Variants in MACROD2 observed in about 807,000 individuals in gnomAD.
MACROD2 encodes mono-ADP ribosylhydrolase 2, also known as ADP-ribose glycohydrolase MACROD2.
MACROD2 carries 36 observed loss-of-function variants against 70.4 expected under a neutral mutation model. The observed-to-expected ratio is 0.51, with a 90% CI of 0.39 to 0.68. MACROD2 has a LOEUF of 0.68. MACROD2 is among the 30% of genes least tolerant of loss of function. The probability of loss-of-function intolerance (pLI) is 0.00; values close to 1 mark genes in which losing one functional copy is unlikely to be tolerated. For missense variants in MACROD2, 496 were observed against 538.4 expected, an observed-to-expected ratio of 0.92 and a Z score of 0.78; for synonymous variants, 172 against 178.8, an observed-to-expected ratio of 0.96 and a Z score of 0.30.
chr20:15,599,163 G>A (rs558271132), intron 8 of MACROD2, among the ~76,000 whole-genome samples: 6 of 151,832 alleles, frequency 4.0e-5, no homozygotes, highest in African/African-American at 1.4e-4. Flanking sequence ...GGCGGATCAC[G>A]AGGTCAGGAG....
At chr20:14,777,631 G>A (rs1204615896) in intron 5 of MACROD2, among the ~76,000 whole-genome samples, 1 of 152,096 alleles carries the variant, frequency 6.6e-6, no homozygotes, top group Non-Finnish European at 1.5e-5. Flanking sequence ...ATATGGGCTA[G>A]AGTGGCGCCA....
chr20:14,440,098 G>A (rs371958814), intron 3 of MACROD2, among the ~76,000 whole-genome samples: 11 of 152,284 alleles, frequency 7.2e-5, no homozygotes, highest in African/African-American at 2.6e-4. Context: ...AGATAGTACA[G>A]AGGCTAGTAC....
rs59052053 is a variant in MACROD2, at chr20:14,071,252, G to GTTTTTTTTTTTTTTTTTTT, written c.164-14361_164-14343dup. Among the ~76,000 whole-genome samples the GTTTTTTTTTTTTTTTTTTT allele has an allele frequency of 4.4e-4, 28 of 63,954 alleles. 6 individuals are homozygous for GTTTTTTTTTTTTTTTTTTT. Among genetic ancestry groups the GTTTTTTTTTTTTTTTTTTT allele is most frequent in the African/African-American group, 1.8e-3 (28 of 15,798 alleles). 42.0% of individuals were successfully genotyped at this position (63,954 alleles called of 152,430 possible). A position where few individuals can be genotyped will look rare whatever the true frequency, so the allele number is the denominator to read the frequency against. On this transcript the variant is annotated intron_variant, in intron 2 of 17. Coordinates refer to ENST00000684519, the MANE Select transcript of MACROD2 (RefSeq NM_001351661.2). ...GACAGTATTGGCCATTTCATCTTGT[G>GTTTTTTTTTTTTTTTTTTT]TTTTTTTTTTTTTTTTTTTTTTTTT...
At chr20:15,036,327 C>T (rs1262909533) in intron 5 of MACROD2, among the ~76,000 whole-genome samples, 1 of 152,098 alleles carries the variant, frequency 6.6e-6, no homozygotes, top group Non-Finnish European at 1.5e-5. Flanking sequence ...ATTACGATGA[C>T]CATCTATGTC....
chr20:14,672,865 C>T (rs1333850287), intron 4 of MACROD2, among the ~76,000 whole-genome samples: 1 of 152,140 alleles, frequency 6.6e-6, no homozygotes, highest in Admixed American at 6.6e-5. Context: ...ACAAGTACTA[C>T]TGTCATCTAT....
intron 5 of MACROD2, among the ~76,000 whole-genome samples, chr20:14,831,669 A>G (rs1049249551): frequency 6.7e-6 from 1 of 149,148 alleles, no homozygotes; most frequent in Non-Finnish European, 1.5e-5. Flanking sequence ...AATCCCGGCT[A>G]CTCAGGAGGC....
intron 4 of MACROD2, among the ~76,000 whole-genome samples, chr20:14,551,340 T>C (rs141827228): frequency 6.6e-6 from 1 of 152,282 alleles, no homozygotes; most frequent in African/African-American, 2.4e-5. Context: ...AATAATGATA[T>C]TAAATTGTGT....
chr20:15,377,742 G>A (rs545044304), intron 6 of MACROD2, among the ~76,000 whole-genome samples: 6 of 152,348 alleles, frequency 3.9e-5, no homozygotes, highest in South Asian at 4.1e-4. Flanking sequence ...ACATGGGAAC[G>A]AATGCCTTTG....
At chr20:15,622,938 T>G (rs2146733722) in intron 8 of MACROD2, among the ~76,000 whole-genome samples, 1 of 152,354 alleles carries the variant, frequency 6.6e-6, no homozygotes, top group Admixed American at 6.5e-5. Flanking sequence ...AGTACTATCC[T>G]TAGTTTCAGA....
chr20:15,037,389 G>A (rs1452014499), intron 5 of MACROD2, among the ~76,000 whole-genome samples: 1 of 152,162 alleles, frequency 6.6e-6, no homozygotes, highest in Admixed American at 6.6e-5. Flanking sequence ...CGATAATACA[G>A]GTTGAGAATT....
intron 7 of MACROD2, among the ~76,000 whole-genome samples, chr20:15,442,849 T>A (rs1195153333): frequency 6.6e-6 from 1 of 152,166 alleles, no homozygotes; most frequent in Non-Finnish European, 1.5e-5. Context: ...TATTTGGTAA[T>A]TTTGATAGCA....
intron 8 of MACROD2, among the ~76,000 whole-genome samples, chr20:15,640,557 A>C (rs2049444675): frequency 6.6e-6 from 1 of 152,194 alleles, no homozygotes; most frequent in Non-Finnish European, 1.5e-5. Context: ...ACAAACTATG[A>C]GGCAGCCCTG....
chr20:15,125,651 G>A (rs1478982081), intron 5 of MACROD2, among the ~76,000 whole-genome samples: 2 of 151,958 alleles, frequency 1.3e-5, no homozygotes, highest in Admixed American at 6.6e-5. Flanking sequence ...ATAATTTACT[G>A]TAGTAATCAG....
intron 5 of MACROD2, among the ~76,000 whole-genome samples, chr20:14,722,876 A>T (rs969042888): frequency 3.9e-5 from 6 of 152,160 alleles, no homozygotes; most frequent in Admixed American, 3.9e-4. Context: ...AAGATAGATA[A>T]TGTTTATATC....
intron 4 of MACROD2, among the ~76,000 whole-genome samples, chr20:14,601,244 G>T (rs1982477109): frequency 6.6e-6 from 1 of 152,128 alleles, no homozygotes; most frequent in South Asian, 2.1e-4. Context: ...CATGGTGTTT[G>T]GGAGTGGGAG....
At chr20:15,861,012 C>A (rs2064417249) in intron 8 of MACROD2, among the ~76,000 whole-genome samples, 1 of 152,074 alleles carries the variant, frequency 6.6e-6, no homozygotes, top group African/African-American at 2.4e-5. Context: ...TGGAAAGACC[C>A]TAGTTAGAGA....
intron 6 of MACROD2, among the ~76,000 whole-genome samples, chr20:15,355,747 C>A (rs886104676): frequency 1.3e-5 from 2 of 152,140 alleles, no homozygotes; most frequent in Non-Finnish European, 2.9e-5. Flanking sequence ...CTATCACTTA[C>A]GAAATTCCAA....
chr20:15,944,635 G>T (rs1217856135), intron 12 of MACROD2, among the ~76,000 whole-genome samples: 1 of 151,972 alleles, frequency 6.6e-6, no homozygotes, highest in Non-Finnish European at 1.5e-5. Flanking sequence ...TTTTAACTTT[G>T]TAAAATGATC....
At chr20:14,596,159 C>G (rs1982118374) in intron 4 of MACROD2, among the ~76,000 whole-genome samples, 1 of 151,696 alleles carries the variant, frequency 6.6e-6, no homozygotes, top group South Asian at 2.1e-4. Context: ...GATCTCGGCT[C>G]ACTGCAAGCT....
Sources: gnomAD v4.1 joint callset for allele counts (sites outside exome capture counted in the v4.1 genomes callset) on GRCh38, gnomAD v4.1.1 for gene constraint, MANE v1.5 for transcripts, NCBI Gene and HGNC (gene_info 2026-07-23, HGNC 2026-07-21) for gene names.